TG: variants seen among roughly 807,000 people sequenced by gnomAD.
The protein encoded by TG is thyroid hormones.
In TG, 270 loss-of-function variants were observed where a neutral mutation model predicts 324.7. That is an observed-to-expected ratio of 0.83 (90% CI 0.75 to 0.92). The LOEUF (loss-of-function observed/expected upper bound fraction) is 0.92. Ranked by LOEUF, TG falls within the 40% of genes least tolerant of loss-of-function variation. TG has a pLI of 0.00. For synonymous variants in TG, 1,401 were observed against 1,327.0 expected (o/e 1.06, Z -1.21); for missense variants, 3,591 against 3,456.4 (o/e 1.04, Z -0.98).
intron 22 of TG, among the ~76,000 whole-genome samples, chr8:132,924,631 T>C (rs1238869501): frequency 2.0e-5 from 3 of 152,174 alleles, no homozygotes; most frequent in Non-Finnish European, 4.4e-5. Context: ...CAATATATAG[T>C]GTGATGGGAA....
At chr8:132,995,387 G>A (rs952100726) in intron 35 of TG, 1 of 985,120 alleles carries the variant, frequency 1.0e-6, no homozygotes, top group African/African-American at 1.7e-5. Flanking sequence ...GGAGGGCAAC[G>A]GTGCCGCCTT....
chr8:133,098,288 CAT>C (rs1461941008), intron 43 of TG, among the ~76,000 whole-genome samples: 1 of 152,192 alleles, frequency 6.6e-6, no homozygotes, highest in African/African-American at 2.4e-5. Flanking sequence ...AAATTATATA[CAT>C]GTGTACTCTT....
At chr8:133,024,049 T>C (rs1835793343) in intron 40 of TG, among the ~76,000 whole-genome samples, 1 of 152,370 alleles carries the variant, frequency 6.6e-6, no homozygotes, top group East Asian at 1.9e-4. Context: ...GATTACCTCA[T>C]CTATTTCTCA....
Position 133,096,526 on chromosome 8 carries a change from T to C in TG, c.7572+153T>C, listed in dbSNP as rs1427062167. 2.0e-5 allele frequency among the ~76,000 whole-genome samples: 3 copies of C among 152,068 alleles called. No homozygotes were observed. The East Asian group carries it at 5.8e-4, about 29-fold the overall frequency. ...AGTTTAGGAGGTGGTAATGGGGGGATTTAGAAATTAGACACTTGCAGGGTA... is the reference window on the plus strand; with the variant it reads ...AGTTTAGGAGGTGGTAATGGGGGGACTTAGAAATTAGACACTTGCAGGGTA... On this transcript the variant is annotated intron_variant, in intron 43 of 47. Transcript: ENST00000220616.
intron 41 of TG, among the ~76,000 whole-genome samples, chr8:133,082,880 G>T (rs1003509774): frequency 2.0e-5 from 3 of 152,060 alleles, no homozygotes; most frequent in African/African-American, 7.3e-5. Flanking sequence ...ATAGCAATTT[G>T]CCAAAGCAAA....
At chr8:132,983,307 A>G (rs543162221) in intron 34 of TG, 43 bp from the exon 35 acceptor site, 12 of 1,597,636 alleles carry the variant, frequency 7.5e-6, no homozygotes, top group African/African-American at 6.7e-5. Context: ...CGATGATACC[A>G]TGGGGGTAGA....
rs375984200 is a variant in TG, at chr8:132,933,097, A to C, written c.4817-464A>C. 9.5e-5 allele frequency among the ~76,000 whole-genome samples: 14 copies of C among 146,830 alleles called. No homozygotes were observed. The East Asian group carries it at 2.0e-3, about 21-fold the overall frequency. On this transcript the variant is annotated intron_variant, in intron 23 of 47. Transcript: ENST00000220616. ...GGGGGATCGATGATTCAATACACAG[A>C]AAACACTTAACACTGCATGAGGTTC...
chr8:132,982,938 A>G (rs936105853), intron 34 of TG, among the ~76,000 whole-genome samples: 2 of 152,194 alleles, frequency 1.3e-5, no homozygotes, highest in African/African-American at 2.4e-5. Context: ...CAATGTCATG[A>G]GAAAAGAAAT....
intron 25 of TG, among the ~76,000 whole-genome samples, chr8:132,940,104 A>G (rs1470153425): frequency 6.6e-6 from 1 of 152,162 alleles, no homozygotes; most frequent in Non-Finnish European, 1.5e-5. Flanking sequence ...GGGTGACCTC[A>G]GATCTGTTTG....
chr8:132,954,530 C>T (rs926925089), intron 27 of TG, among the ~76,000 whole-genome samples: 12 of 152,122 alleles, frequency 7.9e-5, no homozygotes, highest in Non-Finnish European at 1.6e-4. Flanking sequence ...AGAATGACCC[C>T]GCCAGCTAGG....
chr8:133,009,500 T>C (rs1834312697), intron 35 of TG, among the ~76,000 whole-genome samples: 1 of 152,142 alleles, frequency 6.6e-6, no homozygotes, highest in South Asian at 2.1e-4. Context: ...GCAACTTCTC[T>C]GGATGAATCT....
rs1835311191 is a variant in TG at position 133,018,979 on chromosome 8, G to GA, written c.6783-621dup. On this transcript the variant is annotated intron_variant, in intron 38 of 47. Coordinates refer to ENST00000220616, the MANE Select transcript of TG (RefSeq NM_003235.5). ...GGAAACAAAAATAACAAATATGCGT[G>GA]AATTAAAGTGCCTTACCATGTTAGG... Among the ~76,000 whole-genome samples, 11 of 152,360 alleles carry GA rather than the reference G, an allele frequency of 7.2e-5. 1 individual carries two copies. The South Asian group carries it at 2.3e-3, about 32-fold the overall frequency.
intron 41 of TG, among the ~76,000 whole-genome samples, chr8:133,067,797 A>G (rs1564145128): frequency 6.8e-5 from 10 of 147,418 alleles, no homozygotes; most frequent in Admixed American, 6.1e-4. Context: ...AAAGAAAAAG[A>G]AAGAAAGAAA....
At chr8:132,874,904 G>T (rs746746001) in intron 5 of TG, among the ~76,000 whole-genome samples, 8 of 152,098 alleles carry the variant, frequency 5.3e-5, no homozygotes, top group Non-Finnish European at 1.2e-4. Flanking sequence ...TCTGTGCTCC[G>T]GGTCCCTCTG....
At chr8:133,070,026 AG>A (rs149045684) in intron 41 of TG, among the ~76,000 whole-genome samples, 4,351 of 52,168 alleles carry the variant, frequency 0.083, 876 homozygotes, top group African/African-American at 0.12. Flanking sequence ...AAAAAAAAAA[AG>A]AAAGAAAGAA....
chr8:133,030,024 G>A lies in TG; in HGVS notation c.7239+1G>A, dbSNP rs759875823. On this transcript the variant is annotated splice_donor_variant, in intron 41 of 47. Transcript: ENST00000220616. LOFTEE classifies it high-confidence loss of function. Reference sequence around the variant, plus strand: ...ACTTTTCCGGAGAGCTGTGCTGATGGTAAGTGGTGTGTGTTCTACCTTCAG... The same window carrying A: ...ACTTTTCCGGAGAGCTGTGCTGATGATAAGTGGTGTGTGTTCTACCTTCAG... The A allele has an allele frequency of 6.2e-7, 1 of 1,614,220 alleles. No individual in the cohort carries two copies. Among genetic ancestry groups the A allele is most frequent in the South Asian group, 1.1e-5 (1 of 91,086 alleles).
At chr8:132,893,410 G>GGT (rs1816604782) in intron 10 of TG, among the ~76,000 whole-genome samples, 1 of 130,026 alleles carries the variant, frequency 7.7e-6, no homozygotes, top group Non-Finnish European at 1.6e-5. Flanking sequence ...GTATGTGTGT[G>GGT]GTGTGGTGTG....
chr8:133,131,035 G>T (rs1458383348), intron 45 of TG, among the ~76,000 whole-genome samples: 1 of 152,152 alleles, frequency 6.6e-6, no homozygotes, highest in African/African-American at 2.4e-5. Flanking sequence ...CCGGCAGTGG[G>T]GTATGACTCA....
intron 41 of TG, among the ~76,000 whole-genome samples, chr8:133,065,180 C>T (rs73361254): frequency 0.036 from 5,414 of 152,186 alleles, 228 homozygotes; most frequent in African/African-American, 0.098. Flanking sequence ...ACCAGAACAC[C>T]CCCATCCCAC....
Sources: allele counts gnomAD v4.1 joint callset (sites outside exome capture counted in the v4.1 genomes callset), GRCh38; gene constraint gnomAD v4.1.1; transcripts MANE v1.5; gene names NCBI Gene and HGNC (gene_info 2026-07-23, HGNC 2026-07-21).